SLC38A8: variants seen among roughly 807,000 people sequenced by gnomAD.
SLC38A8 encodes amino acid transporter SLC38A8.
Under a neutral mutation model 46.0 loss-of-function variants are expected in SLC38A8, and 65 were observed. The observed-to-expected ratio is 1.41, with a 90% confidence interval of 1.16 to 1.74. The LOEUF is 1.74. Ranked by LOEUF, SLC38A8 falls within the 40% of genes most tolerant of loss-of-function variation. SLC38A8 has a pLI of 0.00. For missense variants in SLC38A8, 998 were observed against 567.9 expected, an observed-to-expected ratio of 1.76 and a Z score of -7.70; for synonymous variants, 447 against 243.7, an observed-to-expected ratio of 1.83 and a Z score of -7.77.
chr16:84,034,342 C>G (rs540772436), intron 3 of SLC38A8, among the ~76,000 whole-genome samples: 30 of 152,378 alleles, frequency 2.0e-4, no homozygotes, highest in African/African-American at 7.0e-4. Flanking sequence ...ACTAACCTCT[C>G]CGTGGAAAGA....
chr16:84,026,554 G>GC (rs1266150782), intron 6 of SLC38A8, among the ~76,000 whole-genome samples: 1 of 152,208 alleles, frequency 6.6e-6, no homozygotes, highest in East Asian at 1.9e-4. Flanking sequence ...GGGAAGCAGA[G>GC]CAGGCCTGCT....
intron 7 of SLC38A8, among the ~76,000 whole-genome samples, chr16:84,017,763 G>A (rs887646536): frequency 2.6e-5 from 4 of 152,236 alleles, no homozygotes; most frequent in African/African-American, 7.2e-5. Flanking sequence ...TTCCCTTTGC[G>A]CCAACAGGGT....
intron 9 of SLC38A8, among the ~76,000 whole-genome samples, chr16:84,015,259 AC>A (rs763392530): frequency 8.7e-4 from 133 of 152,126 alleles, no homozygotes; most frequent in Non-Finnish European, 1.6e-3. Flanking sequence ...CCAGTGGGCC[AC>A]TACAGTGTAC....
In SLC38A8 at chr16:84,030,178, C is replaced by T. The variant is rs148066478; in HGVS notation, c.633-627G>A. 5.1e-4 allele frequency among the ~76,000 whole-genome samples: 77 copies of T among 152,218 alleles called. 1 individual carries two copies. The highest frequency in any genetic ancestry group is 1.8e-3 in the African/African-American group (75 of 41,544). Reference sequence around the variant, plus strand: ...GGATGAAGGCCAAGACCCAGTGATCCGTCTATCAGCCAAGGAACACAGATC... The same window carrying T: ...GGATGAAGGCCAAGACCCAGTGATCTGTCTATCAGCCAAGGAACACAGATC... On this transcript the variant is annotated intron_variant, in intron 5 of 10. Transcript: ENST00000299709.
rs182956085 is a variant in SLC38A8, at chr16:84,012,079, G to T, written c.1214+922C>A. Reference sequence around the variant, plus strand: ...ATTTCACACTCCTGGCTCCAGAACTGGGGAAAAAATTCATTTCTGTTGCTT... The same window carrying T: ...ATTTCACACTCCTGGCTCCAGAACTTGGGAAAAAATTCATTTCTGTTGCTT... On this transcript the variant is annotated intron_variant, in intron 10 of 10. Transcript: ENST00000299709. 7.2e-5 allele frequency among the ~76,000 whole-genome samples: 11 copies of T among 152,216 alleles called. No homozygotes were observed. The East Asian group carries it at 2.1e-3, about 29-fold the overall frequency.
intron 10 of SLC38A8, 134 bp downstream of exon 10, chr16:84,012,867 C>T (rs2151111585): frequency 9.9e-7 from 1 of 1,006,518 alleles, no homozygotes; most frequent in South Asian, 1.6e-5. Flanking sequence ...GACAGAGACT[C>T]TCTTCCTGTG....
At position 84,009,776 on chromosome 16, in the gene SLC38A8, G is replaced by A. The variant is rs368518197; in HGVS notation, c.*8C>T. Reference sequence around the variant, plus strand: ...GAGGGCCCCTTCCTGCCCGGCACTAGCTGCCCATCAGAACATCTCCCAGAC... The same window carrying A: ...GAGGGCCCCTTCCTGCCCGGCACTAACTGCCCATCAGAACATCTCCCAGAC... On this transcript the variant is annotated 3_prime_UTR_variant, in exon 11 of 11. Coordinates refer to ENST00000299709, the MANE Select transcript of SLC38A8 (RefSeq NM_001080442.3). 2 of 1,612,576 alleles carry A rather than the reference G, an allele frequency of 1.2e-6. No individual in the cohort carries two copies. The highest frequency in any genetic ancestry group is 1.7e-6 in the Non-Finnish European group (2 of 1,179,238).
intron 5 of SLC38A8, 45 bp downstream of exon 5, chr16:84,031,822 G>A (rs1482418668): frequency 1.0e-5 from 16 of 1,538,698 alleles, no homozygotes; most frequent in African/African-American, 2.7e-5. Context: ...CTCCCCTGCC[G>A]TGCCTCCCCG....
intron 5 of SLC38A8, among the ~76,000 whole-genome samples, chr16:84,030,674 C>T (rs149409290): frequency 7.9e-5 from 12 of 152,336 alleles, no homozygotes; most frequent in African/African-American, 2.9e-4. Flanking sequence ...GTTACCTTGA[C>T]TTTCTTCTCT....
At chr16:84,021,262 A>G (rs534213237) in intron 7 of SLC38A8, among the ~76,000 whole-genome samples, 2 of 152,176 alleles carry the variant, frequency 1.3e-5, no homozygotes, top group East Asian at 3.9e-4. Flanking sequence ...ATGCGGTTTT[A>G]CCATGTTTCA....
At chr16:84,034,237 G>C (rs905391699) in intron 3 of SLC38A8, among the ~76,000 whole-genome samples, 1 of 152,236 alleles carries the variant, frequency 6.6e-6, no homozygotes, top group Non-Finnish European at 1.5e-5. Flanking sequence ...TCCTCTTAAA[G>C]GCCAGACCCA....
At chr16:84,034,176 C>G (rs567349921) in intron 3 of SLC38A8, among the ~76,000 whole-genome samples, 3 of 152,228 alleles carry the variant, frequency 2.0e-5, no homozygotes, top group African/African-American at 7.2e-5. Context: ...GCACCTCCAA[C>G]TTCTTCCATG....
intron 7 of SLC38A8, among the ~76,000 whole-genome samples, chr16:84,019,076 CA>C (rs199927945): frequency 1.3e-5 from 2 of 150,584 alleles, no homozygotes; most frequent in Admixed American, 1.3e-4. Context: ...ACAATTTCTC[CA>C]AAAAAAATTT....
chr16:84,021,207 T>G (rs562091072), intron 7 of SLC38A8, among the ~76,000 whole-genome samples: 1 of 152,118 alleles, frequency 6.6e-6, no homozygotes, highest in Non-Finnish European at 1.5e-5. Context: ...GGATTACAGG[T>G]GCCCCGCCAC....
intron 9 of SLC38A8, among the ~76,000 whole-genome samples, chr16:84,014,381 C>G (rs1461096130): frequency 2.6e-5 from 4 of 151,762 alleles, no homozygotes; most frequent in Non-Finnish European, 5.9e-5. Flanking sequence ...TGGCCACATC[C>G]CCATCAATGA....
intron 6 of SLC38A8, among the ~76,000 whole-genome samples, chr16:84,028,694 C>T (rs375819162): frequency 6.6e-6 from 1 of 151,332 alleles, no homozygotes; most frequent in Non-Finnish European, 1.5e-5. Context: ...CCCTGCCCCC[C>T]CTGCCCCGCC....
At chr16:84,018,123 G>C (rs768655461) in intron 7 of SLC38A8, among the ~76,000 whole-genome samples, 21 of 152,034 alleles carry the variant, frequency 1.4e-4, no homozygotes, top group African/African-American at 4.1e-4. Context: ...CCAAGATTGA[G>C]TGCCCACACT....
At chr16:84,028,061 T>A (rs76249192) in intron 6 of SLC38A8, among the ~76,000 whole-genome samples, 2 of 146,160 alleles carry the variant, frequency 1.4e-5, no homozygotes, top group Admixed American at 6.8e-5. Flanking sequence ...TTTTTTTTTT[T>A]CCTAAAAAGG....
At chr16:84,036,329 C>T (rs2085298771) in intron 3 of SLC38A8, among the ~76,000 whole-genome samples, 1 of 152,246 alleles carries the variant, frequency 6.6e-6, no homozygotes, top group Non-Finnish European at 1.5e-5. Context: ...TAGTCGGGAA[C>T]TCGAGGCCAA....
Sources: gnomAD v4.1 joint callset for allele counts (sites outside exome capture counted in the v4.1 genomes callset) on GRCh38, gnomAD v4.1.1 for gene constraint, MANE v1.5 for transcripts, NCBI Gene and HGNC (gene_info 2026-07-23, HGNC 2026-07-21) for gene names.